The following USH2A variants were observed in gnomAD, a reference collection of about 807,000 sequenced individuals.
USH2A encodes usherin.
In USH2A, 443 loss-of-function variants were observed where a neutral mutation model predicts 538.9. That is an observed-to-expected ratio of 0.82 (90% confidence interval 0.76 to 0.89). The LOEUF (loss-of-function observed/expected upper bound fraction) is 0.89. Among genes scored for constraint, USH2A ranks in the 40% least tolerant of loss-of-function variants. The pLI, the probability that USH2A is intolerant of heterozygous loss-of-function variation, is 0.00. For missense variants in USH2A, 6,633 were observed against 6,324.8 expected, an observed-to-expected ratio of 1.05 and a Z score of -1.65; for synonymous variants, 2,413 against 2,273.5, an observed-to-expected ratio of 1.06 and a Z score of -1.75.
rs144565973 is a variant in USH2A, at chr1:215,775,073, C to G, written c.10939+4770G>C. On this transcript the variant is annotated intron_variant, in intron 55 of 71. Coordinates refer to ENST00000307340, the MANE Select transcript of USH2A (RefSeq NM_206933.4). The stretch of plus-strand genomic sequence containing the variant: ...ATGCAGCCTGGAGCATTGCAAACAA[C>G]CATAGAAGAAACTCCCAAAGCTTTT... Among the ~76,000 whole-genome samples, 1,015 of 152,094 alleles carry G rather than the reference C, an allele frequency of 6.7e-3. 7 individuals carry two copies. The highest frequency in any genetic ancestry group is 0.023 in the African/African-American group (957 of 41,486).
chr1:216,007,121 C>T (rs1037775977), intron 32 of USH2A, among the ~76,000 whole-genome samples: 3 of 152,080 alleles, frequency 2.0e-5, no homozygotes, highest in Admixed American at 2.0e-4. Context: ...GTCTTGTGTG[C>T]TACCATGTAA....
intron 37 of USH2A, among the ~76,000 whole-genome samples, chr1:215,939,681 T>C (rs1666588559): frequency 6.6e-6 from 1 of 152,138 alleles, no homozygotes; most frequent in African/African-American, 2.4e-5. Flanking sequence ...TGGGGTTCTC[T>C]AGATTGGAAT....
At chr1:216,072,761 C>G (rs757891036) in intron 29 of USH2A, 128 bp downstream of exon 29, 5 of 900,946 alleles carry the variant, frequency 5.5e-6, no homozygotes, top group Non-Finnish European at 9.2e-6. Context: ...ATTTTCAAAC[C>G]AAGGCATGCT....
intron 27 of USH2A, among the ~76,000 whole-genome samples, chr1:216,076,250 A>C (rs2031745006): frequency 6.6e-6 from 1 of 152,112 alleles, no homozygotes; most frequent in Non-Finnish European, 1.5e-5. Context: ...ATACGTCAAT[A>C]TTTTTTCAGT....
intron 26 of USH2A, among the ~76,000 whole-genome samples, chr1:216,081,973 G>A (rs1421747082): frequency 6.6e-6 from 1 of 151,702 alleles, no homozygotes; most frequent in Non-Finnish European, 1.5e-5. Flanking sequence ...ACAAAGCAAT[G>A]AATAGAGGAA....
intron 49 of USH2A, among the ~76,000 whole-genome samples, chr1:215,809,499 A>T (rs1344077726): frequency 9.3e-5 from 14 of 151,046 alleles, no homozygotes; most frequent in Non-Finnish European, 2.1e-4. Flanking sequence ...AAATAAAACT[A>T]TTTTTTTTTC....
chr1:215,912,866 C>G (rs1665848984), intron 38 of USH2A, among the ~76,000 whole-genome samples: 1 of 151,976 alleles, frequency 6.6e-6, no homozygotes, highest in Non-Finnish European at 1.5e-5. Context: ...TTCATGAATT[C>G]TCATGTAGCT....
intron 35 of USH2A, among the ~76,000 whole-genome samples, chr1:215,991,141 A>G (rs1027232109): frequency 6.6e-6 from 1 of 152,158 alleles, no homozygotes; most frequent in Non-Finnish European, 1.5e-5. Context: ...GTCACTATAC[A>G]TCAGAAACAA....
Position 216,065,019 on chromosome 1 carries a change from T to C in USH2A, c.6049+5082A>G, listed in dbSNP as rs2031305032. ...AAAATCTCAGAGAAATTGACAAAAC[T>C]GCATGCATAGTTAACATAGTTAACT... On this transcript the variant is annotated intron_variant, in intron 30 of 71. Transcript: ENST00000307340. Among the ~76,000 whole-genome samples, 4 of 152,208 alleles carry C rather than the reference T, an allele frequency of 2.6e-5. No individual in the cohort carries two copies. In the South Asian group the frequency reaches 8.3e-4, roughly 31 times the overall value.
At chr1:215,961,157 T>A (rs1667190094) in intron 37 of USH2A, among the ~76,000 whole-genome samples, 2 of 151,936 alleles carry the variant, frequency 1.3e-5, no homozygotes, top group Admixed American at 1.3e-4. Context: ...ATCTAATAGA[T>A]ATAAACATTT....
intron 13 of USH2A, among the ~76,000 whole-genome samples, chr1:216,232,581 G>T (rs1046742309): frequency 6.6e-6 from 1 of 152,094 alleles, no homozygotes; most frequent in African/African-American, 2.4e-5. Context: ...TGCAGCATTT[G>T]CTCAGACTAA....
rs539441718 is a variant in USH2A at position 216,005,819 on chromosome 1, C to T, written c.6326-5257G>A. On this transcript the variant is annotated intron_variant, in intron 32 of 71. Transcript: ENST00000307340. ...AAACAAAACAGGAGATAGTGGTAAA[C>T]CAAATGTTAACAATGTTTTTCTGAG... Among the ~76,000 whole-genome samples, 10 of 151,996 alleles carry T rather than the reference C, an allele frequency of 6.6e-5. No homozygotes were observed. In the East Asian group the frequency reaches 1.9e-3, roughly 29 times the overall value.
At chr1:215,634,262 G>A (rs1656402043) in intron 70 of USH2A, among the ~76,000 whole-genome samples, 197 bp downstream of exon 70, 1 of 152,124 alleles carries the variant, frequency 6.6e-6, no homozygotes, top group South Asian at 2.1e-4. Context: ...ATTTTTTAAA[G>A]CTTTCCAGGT....
rs540564733 is a variant in USH2A at position 216,232,026 on chromosome 1, C to T, written c.2920G>A (p.Asp974Asn). ...NSLTGQCVCQ[D>N]ASIAGQRCDQ... ...CAACGTTGCCCAGCAATGGAAGCAT[C>T]TTGGCAAACACACTGACCAGTCAGG... Residue 974 changes from aspartate to asparagine, a missense_variant, in exon 14 of 72, where the codon GAT becomes AAT. By Grantham distance (23) the Asp-to-Asn change is conservative. Transcript: ENST00000307340. 227 of 1,614,052 alleles carry T rather than the reference C, an allele frequency of 1.4e-4. 2 individuals carry two copies. The South Asian group carries it at 2.3e-3, about 17-fold the overall frequency.
In USH2A at chr1:215,817,058, G is replaced by A; in HGVS notation, c.9509C>T (p.Ala3170Val). ...AGATTCAGGTTTTTGACACCTCACTGCCTTGCAGAGCTCATCACTCTGATC... is the reference window on the plus strand; with the variant it reads ...AGATTCAGGTTTTTGACACCTCACTACCTTGCAGAGCTCATCACTCTGATC... ...VQDQSDELCKAVRCQKPESIC... is the reference protein window; with the variant it reads ...VQDQSDELCKVVRCQKPESIC... The change falls in exon 48 of 72, where the codon GCA becomes GTA. Residue 3170 changes from alanine (A) to valine (V), a missense_variant. By Grantham distance (64) the Ala-to-Val change is moderately conservative. Coordinates refer to ENST00000307340, the MANE Select transcript of USH2A (RefSeq NM_206933.4). 2 of 1,612,772 alleles carry A rather than the reference G, an allele frequency of 1.2e-6. No individual in the cohort carries two copies. Among genetic ancestry groups the A allele is most frequent in the Non-Finnish European group, 1.7e-6 (2 of 1,179,064 alleles).
chr1:216,270,140 A>G (rs1279046149), intron 11 of USH2A, among the ~76,000 whole-genome samples: 1 of 152,142 alleles, frequency 6.6e-6, no homozygotes, highest in East Asian at 1.9e-4. Flanking sequence ...AAACAGCAGC[A>G]GTATAACTAT....
intron 3 of USH2A, among the ~76,000 whole-genome samples, chr1:216,370,701 A>AAAAAAC: frequency 6.6e-6 from 1 of 150,380 alleles, no homozygotes; most frequent in African/African-American, 2.5e-5. Context: ...AAAAAAAAAA[A>AAAAAAC]ATACTCAAGG....
At chr1:215,660,250 C>A (rs936849652) in intron 64 of USH2A, among the ~76,000 whole-genome samples, 3 of 152,160 alleles carry the variant, frequency 2.0e-5, no homozygotes, top group African/African-American at 7.2e-5. Flanking sequence ...AGTAATAACA[C>A]CTATTTCAAA....
intron 61 of USH2A, among the ~76,000 whole-genome samples, chr1:215,721,821 T>C (rs967980104): frequency 6.6e-6 from 1 of 152,154 alleles, no homozygotes; most frequent in Admixed American, 6.5e-5. Context: ...TCCAACACTT[T>C]GGGACGCCGC....
Sources: gnomAD v4.1 joint callset for allele counts (sites outside exome capture counted in the v4.1 genomes callset) on GRCh38, gnomAD v4.1.1 for gene constraint, MANE v1.5 for transcripts, NCBI Gene and HGNC (gene_info 2026-07-23, HGNC 2026-07-21) for gene names.